The following CFAP299 variants were observed in gnomAD, a reference collection of about 807,000 sequenced individuals.
The protein encoded by CFAP299 is cilia and flagella associated protein 299.
A neutral mutation model predicts 27.0 loss-of-function variants in CFAP299; 21 were observed. The ratio of observed to expected loss-of-function variants is 0.78; its 90% CI spans 0.55 to 1.12. The LOEUF (loss-of-function observed/expected upper bound fraction) is 1.12. CFAP299 is among the 50% of genes most tolerant of loss of function. CFAP299 has a pLI of 0.00. For missense variants in CFAP299, 310 were observed against 276.6 expected, an observed-to-expected ratio of 1.12 and a Z score of -0.86; for synonymous variants, 104 against 98.1, an observed-to-expected ratio of 1.06 and a Z score of -0.36.
intron 3 of CFAP299, among the ~76,000 whole-genome samples, chr4:80,608,758 G>A (rs906585502): frequency 1.3e-5 from 2 of 151,968 alleles, no homozygotes; most frequent in African/African-American, 2.4e-5. Context: ...ATGAAGCCAG[G>A]AGGTTTAATG....
intron 3 of CFAP299, among the ~76,000 whole-genome samples, chr4:80,756,370 C>T (rs1013167766): frequency 1.3e-5 from 2 of 151,906 alleles, no homozygotes; most frequent in Admixed American, 6.6e-5. Flanking sequence ...TATGACTAGC[C>T]ACCATCAATG....
At chr4:80,643,683 A>G (rs1243012326) in intron 3 of CFAP299, among the ~76,000 whole-genome samples, 1 of 152,108 alleles carries the variant, frequency 6.6e-6, no homozygotes, top group African/African-American at 2.4e-5. Flanking sequence ...ATGGGCCCAG[A>G]TGCAGGGATT....
chr4:80,871,960 CTTTTTT>C (rs34601134), intron 4 of CFAP299: 6,758 of 140,792 alleles, frequency 0.048, 240 homozygotes, highest in East Asian at 0.14. Flanking sequence ...CTCTTGCATG[CTTTTTT>C]TTTTTTTTAC....
At position 80,697,189 on chromosome 4, in the gene CFAP299, GA is replaced by G. The variant is rs536028952; in HGVS notation, c.333+114016del. Reference sequence around the variant, plus strand: ...TGAGACACTGTGTCTACAAAAATTTGAAAAAAAAAATTCTACTTATCAGAAA... The same window carrying G: ...TGAGACACTGTGTCTACAAAAATTTGAAAAAAAAATTCTACTTATCAGAAA... On this transcript the variant is annotated intron_variant, in intron 3 of 5. Transcript: ENST00000358105. Among the ~76,000 whole-genome samples, 1,370 of 147,726 alleles carry G rather than the reference GA, an allele frequency of 9.3e-3. 21 individuals are homozygous for G. Among genetic ancestry groups the G allele is most frequent in the African/African-American group, 0.031 (1,258 of 40,390 alleles).
At chr4:80,735,303 A>G (rs1407808454) in intron 3 of CFAP299, among the ~76,000 whole-genome samples, 1 of 152,134 alleles carries the variant, frequency 6.6e-6, no homozygotes, top group African/African-American at 2.4e-5. Context: ...ATACTGCAAC[A>G]TTACTGAGTT....
intron 2 of CFAP299, among the ~76,000 whole-genome samples, chr4:80,538,273 A>G (rs915487940): frequency 1.3e-4 from 20 of 152,166 alleles, no homozygotes; most frequent in African/African-American, 3.9e-4. Flanking sequence ...TTTTTGTACA[A>G]TGTTTGTCTT....
At chr4:80,492,678 T>C (rs748733373) in intron 2 of CFAP299, among the ~76,000 whole-genome samples, 2 of 152,192 alleles carry the variant, frequency 1.3e-5, no homozygotes, top group Non-Finnish European at 2.9e-5. Context: ...ATTATTAAGG[T>C]ATGGTGAGGC....
intron 2 of CFAP299, among the ~76,000 whole-genome samples, chr4:80,562,258 C>T (rs986907124): frequency 6.6e-6 from 1 of 151,822 alleles, no homozygotes; most frequent in Non-Finnish European, 1.5e-5. Flanking sequence ...ACAAAATAAC[C>T]ATAAAACAAA....
At chr4:80,354,970 GCTGCAATGAATATAC>G (rs1302670715) in intron 1 of CFAP299, among the ~76,000 whole-genome samples, 1 of 152,066 alleles carries the variant, frequency 6.6e-6, no homozygotes, top group African/African-American at 2.4e-5. Flanking sequence ...TGTGAATAGT[GCTGCAATGAATATAC>G]ATGTGCATGT....
At chr4:80,637,700 G>A (rs1005715572) in intron 3 of CFAP299, among the ~76,000 whole-genome samples, 3 of 152,028 alleles carry the variant, frequency 2.0e-5, no homozygotes, top group African/African-American at 7.3e-5. Flanking sequence ...CCATAGAAAA[G>A]GACCTAACAG....
chr4:80,906,999 ACATTGTCAGGCTACAAATTTTTC>A (rs1418871534), intron 4 of CFAP299, among the ~76,000 whole-genome samples: 1 of 152,028 alleles, frequency 6.6e-6, no homozygotes, highest in Non-Finnish European at 1.5e-5. Flanking sequence ...CTTTACTACC[ACATTGTCAGGCTACAAATTTTTC>A]CAACTGTCAT....
At chr4:80,447,233 T>C (rs2110092878) in intron 2 of CFAP299, among the ~76,000 whole-genome samples, 1 of 142,716 alleles carries the variant, frequency 7.0e-6, no homozygotes. Flanking sequence ...CCTCCCGGGT[T>C]CACGCCATTC....
intron 1 of CFAP299, 70 bp from the exon 2 acceptor site, chr4:80,362,684 G>T (rs1723611431): frequency 6.8e-7 from 1 of 1,478,760 alleles, no homozygotes; most frequent in Non-Finnish European, 9.0e-7. Context: ...GCAGATGTAA[G>T]ATATAAGTAA....
intron 2 of CFAP299, among the ~76,000 whole-genome samples, chr4:80,550,785 G>GCA (rs915246015): frequency 6.7e-5 from 9 of 135,166 alleles, no homozygotes; most frequent in African/African-American, 8.5e-5. Context: ...ACACACACAC[G>GCA]CACACACACA....
rs142397485 is a variant in CFAP299, at chr4:80,506,100, G to A, written c.243-76993G>A. Among the ~76,000 whole-genome samples, 4 of 151,860 alleles carry A rather than the reference G, an allele frequency of 2.6e-5. No individual in the cohort carries two copies. In the East Asian group the frequency reaches 7.7e-4, roughly 29 times the overall value. On this transcript the variant is annotated intron_variant, in intron 2 of 5. Transcript: ENST00000358105. ...TTTGTCCCTTTTTTTCTGGATTAGT[G>A]TGGGAGATGACATTTTGATGTAAGT...
intron 2 of CFAP299, among the ~76,000 whole-genome samples, chr4:80,572,753 G>A (rs754572929): frequency 4.0e-5 from 6 of 151,556 alleles, no homozygotes; most frequent in Non-Finnish European, 5.9e-5. Context: ...TCCTGATGTC[G>A]TTATCCGCCC....
At chr4:80,935,310 C>T (rs1736833896) in intron 4 of CFAP299, among the ~76,000 whole-genome samples, 2 of 152,064 alleles carry the variant, frequency 1.3e-5, no homozygotes, top group South Asian at 4.1e-4. Flanking sequence ...TAACTTCAAA[C>T]TACTCTACAA....
At chr4:80,948,349 A>G (rs1439192744) in intron 5 of CFAP299, among the ~76,000 whole-genome samples, 1 of 152,160 alleles carries the variant, frequency 6.6e-6, no homozygotes, top group Non-Finnish European at 1.5e-5. Flanking sequence ...AAACAGGACC[A>G]CTGGCTTTAA....
intron 3 of CFAP299, among the ~76,000 whole-genome samples, chr4:80,657,187 C>T (rs575326732): frequency 1.7e-4 from 26 of 152,148 alleles, no homozygotes; most frequent in South Asian, 6.2e-4. Flanking sequence ...TGCCTGTTCA[C>T]GCTGATGATA....
Sources: allele counts gnomAD v4.1 joint callset (sites outside exome capture counted in the v4.1 genomes callset), GRCh38; gene constraint gnomAD v4.1.1; transcripts MANE v1.5; gene names NCBI Gene and HGNC (gene_info 2026-07-23, HGNC 2026-07-21).